Variants in DYNC2H1 observed in about 807,000 individuals in gnomAD.
The protein encoded by DYNC2H1 is cytoplasmic dynein 2 heavy chain 1.
DYNC2H1 carries 410 observed loss-of-function variants against 570.0 expected under a neutral mutation model. The observed-to-expected ratio is 0.72, with a 90% confidence interval of 0.66 to 0.78. The LOEUF (loss-of-function observed/expected upper bound fraction) is 0.78. DYNC2H1 is among the 30% of genes least tolerant of loss of function. The pLI is 0.00. For missense variants in DYNC2H1, 4,865 were observed against 5,046.4 expected (o/e 0.96, Z 1.09); for synonymous variants, 1,688 against 1,677.6 (o/e 1.01, Z -0.15).
chr11:103,348,029 C>T (rs1226256472), intron 82 of DYNC2H1, among the ~76,000 whole-genome samples: 1 of 152,124 alleles, frequency 6.6e-6, no homozygotes, highest in African/African-American at 2.4e-5. Flanking sequence ...TTGCGAAGTA[C>T]TAAGAGGTAA....
chr11:103,128,505 G>T (rs1486117222), intron 12 of DYNC2H1, among the ~76,000 whole-genome samples: 1 of 152,196 alleles, frequency 6.6e-6, no homozygotes, highest in Non-Finnish European at 1.5e-5. Context: ...ATATCTCAAA[G>T]AATTTTTGGT....
At position 103,283,051 on chromosome 11, in the gene DYNC2H1, A is replaced by C. The variant is rs370414127; in HGVS notation, c.10856A>C (p.Asp3619Ala). The change falls in exon 73 of 89, where the codon GAT becomes GCT. Residue 3619 changes from aspartate to alanine, a missense_variant. Asp to Ala is a moderately radical substitution (Grantham distance 126). Coordinates refer to ENST00000375735, the MANE Select transcript of DYNC2H1 (RefSeq NM_001377.3). ...CGTGATCAGCTTCCGTCTTGGATAG[A>C]TCAGGAACGAAGCTGGGCCGTGGCA... ...KIRDQLPSWI[D>A]QERSWAVATL... 3.2e-5 allele frequency: 51 copies of C among 1,609,014 alleles called. No individual in the cohort carries two copies. The African/African-American group carries it at 6.1e-4, about 19-fold the overall frequency.
chr11:103,295,848 T>A (rs1866800248), intron 75 of DYNC2H1, among the ~76,000 whole-genome samples: 1 of 152,166 alleles, frequency 6.6e-6, no homozygotes, highest in South Asian at 2.1e-4. Context: ...TGTATAAAGG[T>A]CAAGAGCTAT....
intron 85 of DYNC2H1, among the ~76,000 whole-genome samples, chr11:103,443,660 GT>G (rs34485670): frequency 0.36 from 53,307 of 149,542 alleles, 9,931 homozygotes; most frequent in African/African-American, 0.47. Context: ...ATTTTGACAA[GT>G]TTTTTTTTTA....
chr11:103,347,370 T>G (rs1939793886), intron 82 of DYNC2H1, among the ~76,000 whole-genome samples: 1 of 152,230 alleles, frequency 6.6e-6, no homozygotes, highest in Admixed American at 6.5e-5. Flanking sequence ...GGGTATTATG[T>G]GATGCCAATT....
chr11:103,379,467 T>G (rs1442831533), intron 83 of DYNC2H1, among the ~76,000 whole-genome samples: 2 of 152,336 alleles, frequency 1.3e-5, no homozygotes, highest in East Asian at 1.9e-4. Flanking sequence ...TATTTTCCTC[T>G]TCATTCTGCT....
intron 84 of DYNC2H1, among the ~76,000 whole-genome samples, chr11:103,428,185 C>CTTTTT (rs35767159): frequency 7.4e-6 from 1 of 134,724 alleles, no homozygotes; most frequent in Admixed American, 7.5e-5. Flanking sequence ...ATAACATGAG[C>CTTTTT]TTTTTTTTTT....
intron 87 of DYNC2H1, among the ~76,000 whole-genome samples, chr11:103,467,273 C>G (rs2135844413): frequency 6.6e-6 from 1 of 152,250 alleles, no homozygotes; most frequent in Admixed American, 6.5e-5. Flanking sequence ...ATTATATTAT[C>G]ATCCCAGCTC....
chr11:103,329,775 G>T (rs750058978), intron 82 of DYNC2H1, among the ~76,000 whole-genome samples: 12 of 151,916 alleles, frequency 7.9e-5, no homozygotes, highest in Non-Finnish European at 1.2e-4. Flanking sequence ...TTCTATTAAT[G>T]AATATTGCTT....
intron 17 of DYNC2H1, among the ~76,000 whole-genome samples, chr11:103,138,036 A>G (rs1435695107): frequency 2.0e-5 from 3 of 149,882 alleles, no homozygotes; most frequent in African/African-American, 4.9e-5. Flanking sequence ...TTTGTCTGTT[A>G]TTGGTGTATA....
rs1388793754 is a variant in DYNC2H1 at position 103,289,311 on chromosome 11, A to G, written c.11095+1706A>G. On this transcript the variant is annotated intron_variant, in intron 75 of 88. Transcript: ENST00000375735. The surrounding 1 kb of genome is among the most constrained non-coding windows in gnomAD (Gnocchi z 4.2). ...TTGGTAAATCAACTCTGTCTAGGCA[A>G]TGGGCAAGGTGAACCCATTGGGCAC... 6.6e-6 allele frequency among the ~76,000 whole-genome samples: 1 copy of G among 152,040 alleles called. No individual in the cohort carries two copies. The highest frequency in any genetic ancestry group is 1.5e-5 in the Non-Finnish European group (1 of 67,980).
At chr11:103,246,649 G>T (rs7103859) in intron 65 of DYNC2H1, among the ~76,000 whole-genome samples, 1 of 151,832 alleles carries the variant, frequency 6.6e-6, no homozygotes, top group Non-Finnish European at 1.5e-5. Context: ...GGATGTATTC[G>T]TGTCACACTA....
rs1565308637 is a variant in DYNC2H1, at chr11:103,114,111, A to G, written c.375A>G (p.Glu125=). The G allele has an allele frequency of 8.7e-6, 14 of 1,610,160 alleles. No individual in the cohort carries two copies. The highest frequency in any genetic ancestry group is 1.2e-5 in the Non-Finnish European group (14 of 1,178,094). Residue 125 remains glutamate (E), a synonymous_variant, in exon 3 of 89, where the codon GAA becomes GAG. Transcript: ENST00000375735. The part of the protein sequence containing the change: ...VFAPMLLKDQ[E]WSRNFDPKLQ... Reference sequence around the variant, plus strand: ...TGTCTGTTTTTATTTAGGATCAGGAATGGAGCAGAAACTTTGATCCCAAAC... The same window carrying G: ...TGTCTGTTTTTATTTAGGATCAGGAGTGGAGCAGAAACTTTGATCCCAAAC...
In DYNC2H1 at chr11:103,390,563, T is replaced by C. The variant is rs978815971; in HGVS notation, c.12157-9100T>C. Among the ~76,000 whole-genome samples, 8 of 152,278 alleles carry C rather than the reference T, an allele frequency of 5.3e-5. No individual in the cohort carries two copies. The East Asian group carries it at 7.7e-4, about 15-fold the overall frequency. On this transcript the variant is annotated intron_variant, in intron 83 of 88. Coordinates refer to ENST00000375735, the MANE Select transcript of DYNC2H1 (RefSeq NM_001377.3). The stretch of plus-strand genomic sequence containing the variant: ...TTATGATGTTAGCTGGTTATTTTGC[T>C]CGTTAGTTGATGCAGCTTCTTCCTA...
At chr11:103,285,909 A>G (rs567456983) in intron 73 of DYNC2H1, among the ~76,000 whole-genome samples, 2 of 152,226 alleles carry the variant, frequency 1.3e-5, no homozygotes, top group Non-Finnish European at 2.9e-5. Context: ...GAAATTTGAC[A>G]TACTTAACTT....
At chr11:103,206,698 A>G (rs1311257723) in intron 52 of DYNC2H1, among the ~76,000 whole-genome samples, 1 of 152,194 alleles carries the variant, frequency 6.6e-6, no homozygotes, top group Admixed American at 6.5e-5. Flanking sequence ...ATGAACAATG[A>G]AAGTAGATAA....
chr11:103,188,881 GT>G (rs984360590), intron 44 of DYNC2H1, among the ~76,000 whole-genome samples: 1 of 152,070 alleles, frequency 6.6e-6, no homozygotes, highest in South Asian at 2.1e-4. Context: ...AAACGAAACT[GT>G]TTTGTGTAGT....
rs1388565914 is a variant in DYNC2H1 at position 103,113,624 on chromosome 11, A to C, written c.283A>C (p.Ile95Leu). ...TACTGATGAGAATCTACATGATAAC[A>C]TTCTTGTTTCATCTATGTTAGAGTC... The part of the protein sequence containing the change: ...VITDENLHDN[I>L]LVSSMLESPI... The change falls in exon 2 of 89, where the codon ATT becomes CTT. Residue 95 changes from isoleucine to leucine, a missense_variant. Physicochemically the swap from Ile to Leu is conservative, Grantham distance 5. Around this residue, in one of 5 missense-constraint regions of DYNC2H1, gnomAD observed 1,936 missense variants for 1,962.1 expected, o/e 0.99. Coordinates refer to ENST00000375735, the MANE Select transcript of DYNC2H1 (RefSeq NM_001377.3). 1.3e-6 allele frequency: 2 copies of C among 1,575,954 alleles called. No homozygotes were observed. Among genetic ancestry groups the C allele is most frequent in the Admixed American group, 3.8e-5 (2 of 52,918 alleles).
chr11:103,267,131 G>A (rs1221728775), intron 70 of DYNC2H1, among the ~76,000 whole-genome samples: 1 of 152,026 alleles, frequency 6.6e-6, no homozygotes, highest in Non-Finnish European at 1.5e-5. Context: ...CCTGTGGCGA[G>A]AAAAGGTTGC....
Sources: allele counts gnomAD v4.1 joint callset (sites outside exome capture counted in the v4.1 genomes callset), GRCh38; gene constraint gnomAD v4.1.1; regional missense constraint gnomAD v4.1.1; non-coding constraint Gnocchi (gnomAD v3.1); transcripts MANE v1.5; gene names NCBI Gene and HGNC (gene_info 2026-07-23, HGNC 2026-07-21).